The following MTUS1 variants were observed in gnomAD, a reference collection of about 807,000 sequenced individuals.
The protein encoded by MTUS1 is microtubule-associated tumor suppressor 1.
In MTUS1, 109 loss-of-function variants were observed where a neutral mutation model predicts 120.8. That is an observed-to-expected ratio of 0.90 (90% CI 0.77 to 1.06). The LOEUF is 1.06. Ranked by LOEUF, MTUS1 falls within the 50% of genes least tolerant of loss-of-function variation. The probability of loss-of-function intolerance (pLI) is 0.00; values close to 1 mark genes in which losing one functional copy is unlikely to be tolerated. For missense variants in MTUS1, 2,210 were observed against 1,486.3 expected (o/e 1.49, Z -8.01); for synonymous variants, 737 against 550.5 (o/e 1.34, Z -4.74).
chr8:17,778,434 A>C (rs1180363106), intron 1 of MTUS1, among the ~76,000 whole-genome samples: 1 of 152,354 alleles, frequency 6.6e-6, no homozygotes, highest in East Asian at 1.9e-4. Flanking sequence ...TGGTGGTTGC[A>C]CAGCTACAGG....
At chr8:17,729,075 T>A (rs755170474) in intron 3 of MTUS1, among the ~76,000 whole-genome samples, 6 of 152,206 alleles carry the variant, frequency 3.9e-5, no homozygotes, top group African/African-American at 7.2e-5. Flanking sequence ...CATGAGAATA[T>A]GTATTTTTTT....
intron 1 of MTUS1, among the ~76,000 whole-genome samples, chr8:17,760,878 G>C (rs1238163199): frequency 6.7e-6 from 1 of 149,768 alleles, no homozygotes; most frequent in Non-Finnish European, 1.5e-5. Flanking sequence ...TCTTTTGGTA[G>C]TACTACCTAC....
intron 1 of MTUS1, among the ~76,000 whole-genome samples, chr8:17,762,839 T>C (rs2049148747): frequency 6.6e-6 from 1 of 152,168 alleles, no homozygotes; most frequent in African/African-American, 2.4e-5. Context: ...AGATTCTGCA[T>C]TTCTATCCTT....
intron 1 of MTUS1, among the ~76,000 whole-genome samples, chr8:17,767,771 GA>G (rs1380466794): frequency 6.6e-6 from 1 of 151,540 alleles, no homozygotes; most frequent in Non-Finnish European, 1.5e-5. Flanking sequence ...GGGGGTTGGG[GA>G]ACATGAAGAT....
Position 17,647,051 on chromosome 8 carries a change from T to G in MTUS1, c.3530A>C (p.Lys1177Thr). 1 of 1,613,978 alleles carries G rather than the reference T, an allele frequency of 6.2e-7. No individual in the cohort carries two copies. ...LVDNNTALVD[K>T]LKRFQQENEE... ...ATTCTCCTGCTGGAAACGCTTCAAT[T>G]TGTCAACCAATGCTGTGTTGTTGTC... Residue 1177 changes from lysine to threonine, a missense_variant, in exon 14 of 15, where the codon AAA (lysine) becomes ACA (threonine). Lys to Thr is a moderately conservative substitution (Grantham distance 78). Transcript: ENST00000693296.
At chr8:17,702,780 G>C (rs1819356138) in intron 6 of MTUS1, among the ~76,000 whole-genome samples, 1 of 152,148 alleles carries the variant, frequency 6.6e-6, no homozygotes, top group Admixed American at 6.5e-5. Context: ...GACACATTTA[G>C]GTTGTTCCCA....
intron 3 of MTUS1, among the ~76,000 whole-genome samples, chr8:17,732,748 T>C (rs542017065): frequency 3.9e-5 from 6 of 152,238 alleles, no homozygotes; most frequent in South Asian, 2.1e-4. Context: ...CATTCTTCCA[T>C]TGCTCACACC....
intron 1 of MTUS1, among the ~76,000 whole-genome samples, chr8:17,767,392 A>G (rs1383916348): frequency 6.6e-6 from 1 of 151,924 alleles, no homozygotes; most frequent in Non-Finnish European, 1.5e-5. Context: ...GTTTAAAAAA[A>G]AAGAGTGAGA....
Position 17,675,249 on chromosome 8 carries a change from C to T in MTUS1, c.2842G>A (p.Glu948Lys). ...GTTTTGTGTTGTTTCAGTGCTTCCTCCCGCTGCGGAAAACACACATCAAGT... is the reference window on the plus strand; with the variant it reads ...GTTTTGTGTTGTTTCAGTGCTTCCTTCCGCTGCGGAAAACACACATCAAGT... ...VVIQHLLSER[E>K]EALKQHKTLS... The change falls in exon 8 of 15, where the codon GAG becomes AAG. Residue 948 changes from glutamate (E) to lysine (K), a missense_variant. Physicochemically the swap from Glu to Lys is moderately conservative, Grantham distance 56. Transcript: ENST00000693296. The T allele has an allele frequency of 6.2e-7, 1 of 1,614,058 alleles. No homozygotes were observed. The highest frequency in any genetic ancestry group is 8.5e-7 in the Non-Finnish European group (1 of 1,179,972).
At chr8:17,759,629 T>C (rs2048885984) in intron 1 of MTUS1, among the ~76,000 whole-genome samples, 1 of 138,956 alleles carries the variant, frequency 7.2e-6, no homozygotes, top group Non-Finnish European at 1.6e-5. Flanking sequence ...TCTTTCTTTT[T>C]ATATATTTAT....
At chr8:17,785,950 C>T (rs1454216463) in intron 1 of MTUS1, among the ~76,000 whole-genome samples, 1 of 152,058 alleles carries the variant, frequency 6.6e-6, no homozygotes, top group African/African-American at 2.4e-5. Context: ...AAGACCAGCC[C>T]GGGCGACACA....
intron 1 of MTUS1, among the ~76,000 whole-genome samples, chr8:17,776,144 A>G (rs555755939): frequency 2.0e-5 from 3 of 151,510 alleles, no homozygotes; most frequent in Non-Finnish European, 4.4e-5. Flanking sequence ...TAGTCGGGAG[A>G]AAAAAAAACA....
intron 1 of MTUS1, among the ~76,000 whole-genome samples, chr8:17,770,803 G>A (rs1466049962): frequency 6.6e-6 from 1 of 152,124 alleles, no homozygotes; most frequent in Admixed American, 6.5e-5. Context: ...TGGTTATACT[G>A]TACACATCAC....
At chr8:17,679,395 T>C (rs188440989) in intron 7 of MTUS1, among the ~76,000 whole-genome samples, 1 of 152,120 alleles carries the variant, frequency 6.6e-6, no homozygotes, top group East Asian at 1.9e-4. Context: ...ACAGTATATA[T>C]ACTTCTGTAA....
intron 1 of MTUS1, among the ~76,000 whole-genome samples, chr8:17,768,723 C>CA (rs1183193705): frequency 6.6e-6 from 1 of 151,960 alleles, no homozygotes; most frequent in Non-Finnish European, 1.5e-5. Context: ...ACCTCCAAAA[C>CA]AAAAAACAAA....
chr8:17,667,934 A>G (rs1811239668), intron 8 of MTUS1, among the ~76,000 whole-genome samples: 1 of 152,242 alleles, frequency 6.6e-6, no homozygotes, highest in Non-Finnish European at 1.5e-5. Context: ...TTCATGCACA[A>G]AAATCAACTG....
chr8:17,649,893 C>A lies in MTUS1; in HGVS notation c.3454G>T (p.Glu1152Ter). The A allele has an allele frequency of 6.2e-7, 1 of 1,611,258 alleles. No individual in the cohort carries two copies. The highest frequency in any genetic ancestry group is 8.5e-7 in the Non-Finnish European group (1 of 1,177,670). The change falls in exon 13 of 15, where the codon GAG becomes TAG. Residue 1152 changes from glutamate to a stop codon, truncating the protein, a stop_gained. Coordinates refer to ENST00000693296, the MANE Select transcript of MTUS1 (RefSeq NM_001363059.2). LOFTEE classifies it high-confidence loss of function. ...SLKAVLEIKN[E>*]KLHQQDIKLM... The stretch of plus-strand genomic sequence containing the variant: ...TTGATGTCCTGTTGATGCAGTTTCT[C>A]ATTCTTGATCTCTAACACAGCTTTC...
chr8:17,757,250 C>T (rs1039259241), intron 1 of MTUS1, among the ~76,000 whole-genome samples: 4 of 152,060 alleles, frequency 2.6e-5, no homozygotes, highest in Admixed American at 6.6e-5. Flanking sequence ...TGGTACAACA[C>T]GGATATAATA....
chr8:17,698,254 TGTGGTCTCTTATA>T (rs778408920), intron 6 of MTUS1, among the ~76,000 whole-genome samples: 9 of 152,218 alleles, frequency 5.9e-5, no homozygotes, highest in Non-Finnish European at 1.3e-4. Context: ...TAGAACATCA[TGTGGTCTCTTATA>T]GTGGTCTTTC....
Sources: allele counts gnomAD v4.1 joint callset (sites outside exome capture counted in the v4.1 genomes callset), GRCh38; gene constraint gnomAD v4.1.1; transcripts MANE v1.5; gene names NCBI Gene and HGNC (gene_info 2026-07-23, HGNC 2026-07-21).